Variants in MSH3 observed in about 807,000 individuals in gnomAD.
MSH3 encodes the protein DNA mismatch repair protein Msh3.
MSH3 carries 106 observed loss-of-function variants against 123.3 expected under a neutral mutation model. The observed-to-expected ratio is 0.86, with a 90% confidence interval of 0.73 to 1.01. The LOEUF (loss-of-function observed/expected upper bound fraction) is 1.01, where lower values mean the gene tolerates loss of function less well. Ranked by LOEUF, MSH3 falls within the 50% of genes least tolerant of loss-of-function variation. The pLI, the probability that MSH3 is intolerant of heterozygous loss-of-function variation, is 0.00. For synonymous variants in MSH3, 515 were observed against 481.4 expected, an observed-to-expected ratio of 1.07 and a Z score of -0.91; for missense variants, 1,459 against 1,347.6, an observed-to-expected ratio of 1.08 and a Z score of -1.29.
intron 10 of MSH3, among the ~76,000 whole-genome samples, chr5:80,734,284 T>G (rs1215083705): frequency 1.3e-5 from 2 of 152,216 alleles, no homozygotes; most frequent in African/African-American, 4.8e-5. Flanking sequence ...AGTGGTTGCC[T>G]AGGGCTCTTG....
At chr5:80,808,997 CA>C (rs1470112017) in intron 19 of MSH3, among the ~76,000 whole-genome samples, 2 of 150,786 alleles carry the variant, frequency 1.3e-5, no homozygotes, top group Non-Finnish European at 3.0e-5. Flanking sequence ...AGGCCTAAGC[CA>C]AATGTATTTT....
At chr5:80,743,332 A>G (rs1743651499) in intron 11 of MSH3, among the ~76,000 whole-genome samples, 1 of 151,928 alleles carries the variant, frequency 6.6e-6, no homozygotes, top group South Asian at 2.1e-4. Flanking sequence ...GTGACCTTGT[A>G]CCTTCTCTGT....
chr5:80,839,431 G>A (rs945009588), intron 20 of MSH3, among the ~76,000 whole-genome samples: 3 of 152,088 alleles, frequency 2.0e-5, no homozygotes, highest in African/African-American at 7.2e-5. Flanking sequence ...ATCTGGGCAC[G>A]CTCTATATTT....
In MSH3 at chr5:80,687,074, G is replaced by T. The variant is rs188304262; in HGVS notation, c.1340+7981G>T. Among the ~76,000 whole-genome samples, 68 of 152,104 alleles carry T rather than the reference G, an allele frequency of 4.5e-4. 1 individual carries two copies. The East Asian group carries it at 0.011, about 25-fold the overall frequency. Reference sequence around the variant, plus strand: ...GTTTATTTACTTTGTATCATATTGTGACTTAGAACAAATATTAGAGATGAT... The same window carrying T: ...GTTTATTTACTTTGTATCATATTGTTACTTAGAACAAATATTAGAGATGAT... On this transcript the variant is annotated intron_variant, in intron 8 of 23. Transcript: ENST00000265081.
chr5:80,728,994 G>A (rs1743356922), intron 10 of MSH3, 29 bp downstream of exon 10: 3 of 1,220,538 alleles, frequency 2.5e-6, no homozygotes, highest in Non-Finnish European at 3.6e-6. Context: ...ATTAAAAAAA[G>A]GGGGAGCTTA....
At chr5:80,685,147 C>T (rs1750058028) in intron 8 of MSH3, among the ~76,000 whole-genome samples, 1 of 148,866 alleles carries the variant, frequency 6.7e-6, no homozygotes, top group Admixed American at 6.7e-5. Flanking sequence ...GAATTTGTCT[C>T]ATTCTGGTAT....
At chr5:80,733,475 T>G (rs147525282) in intron 10 of MSH3, among the ~76,000 whole-genome samples, 2 of 152,168 alleles carry the variant, frequency 1.3e-5, no homozygotes, top group African/African-American at 4.8e-5. Flanking sequence ...ATAGATACAT[T>G]GGACTTCATC....
intron 15 of MSH3, among the ~76,000 whole-genome samples, chr5:80,770,868 C>A (rs1023389407): frequency 1.3e-5 from 2 of 152,090 alleles, no homozygotes; most frequent in Admixed American, 6.6e-5. Context: ...ATCAGGAATT[C>A]ATAAGAGATA....
In MSH3 at chr5:80,759,705, T is replaced by C. The variant is rs6151781; in HGVS notation, c.1764-1841T>C. Among the ~76,000 whole-genome samples the C allele has an allele frequency of 9.4e-3, 1,429 of 152,168 alleles. 20 individuals are homozygous for C. The highest frequency in any genetic ancestry group is 0.032 in the African/African-American group (1,320 of 41,520). ...ACCACTCAGGCTGCAGTGTGGAGAA[T>C]GAGTTGGAAAAAGGAATGGAAGTGG... On this transcript the variant is annotated intron_variant, in intron 12 of 23. Transcript: ENST00000265081.
rs141390199 is a variant in MSH3 at position 80,831,310 on chromosome 5, T to G, written c.2813+17569T>G. Among the ~76,000 whole-genome samples the G allele has an allele frequency of 4.3e-3, 650 of 152,360 alleles. 5 individuals carry two copies. The highest frequency in any genetic ancestry group is 0.015 in the African/African-American group (604 of 41,594). ...TTACACAAGTAATGCATGTTCATTA[T>G]GCAAAATTTTAAACTCAAAATTTTT... On this transcript the variant is annotated intron_variant, in intron 20 of 23. Coordinates refer to ENST00000265081, the MANE Select transcript of MSH3 (RefSeq NM_002439.5).
intron 12 of MSH3, among the ~76,000 whole-genome samples, chr5:80,760,575 C>T (rs1173233975): frequency 2.6e-5 from 4 of 152,148 alleles, no homozygotes; most frequent in Non-Finnish European, 5.9e-5. Context: ...TCACCACCAC[C>T]ACTAGGTCGT....
At chr5:80,795,114 G>A (rs1243514270) in intron 19 of MSH3, among the ~76,000 whole-genome samples, 2 of 152,178 alleles carry the variant, frequency 1.3e-5, no homozygotes, top group African/African-American at 2.4e-5. Flanking sequence ...GAGTAGTAGC[G>A]AGCTGGGACT....
intron 11 of MSH3, among the ~76,000 whole-genome samples, chr5:80,743,063 CCT>C (rs1743645856): frequency 6.6e-6 from 1 of 152,076 alleles, no homozygotes; most frequent in South Asian, 2.1e-4. Flanking sequence ...CCCCACCGCC[CCT>C]CGCCCACCTT....
intron 12 of MSH3, among the ~76,000 whole-genome samples, chr5:80,748,028 A>G (rs1743752941): frequency 6.6e-6 from 1 of 152,188 alleles, no homozygotes; most frequent in Non-Finnish European, 1.5e-5. Context: ...CCAGACAAAT[A>G]TTCTGTCTCT....
intron 10 of MSH3, among the ~76,000 whole-genome samples, chr5:80,735,107 GGTGTGGTGGCTTATGCCT>G (rs1309737303): frequency 6.6e-6 from 1 of 152,188 alleles, no homozygotes; most frequent in Non-Finnish European, 1.5e-5. Flanking sequence ...TTACCGGCCA[GGTGTGGTGGCTTATGCCT>G]GTAATCTCAG....
intron 20 of MSH3, among the ~76,000 whole-genome samples, chr5:80,842,117 T>TACATATGGCTAGCCAGTTTTCC (rs1366460747): frequency 6.6e-6 from 1 of 152,242 alleles, no homozygotes; most frequent in Non-Finnish European, 1.5e-5. Context: ...TTCAGCTTTC[T>TACATATGGCTAGCCAGTTTTCC]ACATATGGCT....
chr5:80,664,728 T>C (rs1001007233), intron 2 of MSH3, among the ~76,000 whole-genome samples: 5 of 152,186 alleles, frequency 3.3e-5, no homozygotes, highest in African/African-American at 4.8e-5. Flanking sequence ...GTGTTGTAAT[T>C]AGAGTTGGCT....
rs776080458 is a variant in MSH3 at position 80,873,190 on chromosome 5, G to A, written c.3205G>A (p.Gly1069Arg). 5.0e-6 allele frequency: 8 copies of A among 1,613,812 alleles called. No homozygotes were observed. Among genetic ancestry groups the A allele is most frequent in the Non-Finnish European group, 5.9e-6 (7 of 1,179,812 alleles). ...TAGAGGAATTGCAGCAAGGAGTTATGGATTAAATGTGGCTAAACTAGCAGA... is the reference window on the plus strand; with the variant it reads ...TAGAGGAATTGCAGCAAGGAGTTATAGATTAAATGTGGCTAAACTAGCAGA... The part of the protein sequence containing the change: ...ITRGIAARSY[G>R]LNVAKLADVP... The change falls in exon 23 of 24, where the codon GGA becomes AGA. Residue 1069 changes from glycine to arginine, a missense_variant. Physicochemically the swap from Gly to Arg is moderately radical, Grantham distance 125. Coordinates refer to ENST00000265081, the MANE Select transcript of MSH3 (RefSeq NM_002439.5).
At chr5:80,716,319 A>AT (rs1225649964) in intron 8 of MSH3, among the ~76,000 whole-genome samples, 4 of 152,052 alleles carry the variant, frequency 2.6e-5, no homozygotes, top group South Asian at 2.1e-4. Flanking sequence ...CCTCTTTATG[A>AT]TTTTTTTGTT....
Sources: gnomAD v4.1 joint callset for allele counts (sites outside exome capture counted in the v4.1 genomes callset) on GRCh38, gnomAD v4.1.1 for gene constraint, MANE v1.5 for transcripts, NCBI Gene and HGNC (gene_info 2026-07-23, HGNC 2026-07-21) for gene names.